Variants in AGAP1 observed in about 807,000 individuals in gnomAD.
AGAP1 encodes ArfGAP with GTPase domain, ankyrin repeat and PH domain 1.
AGAP1 carries 29 observed loss-of-function variants against 105.3 expected under a neutral mutation model. The observed-to-expected ratio is 0.28, with a 90% CI of 0.21 to 0.38. The LOEUF (loss-of-function observed/expected upper bound fraction) is 0.38. AGAP1 is among the 10% of genes least tolerant of loss of function. AGAP1 has a pLI of 1.00. For synonymous variants in AGAP1, 509 were observed against 485.9 expected, an observed-to-expected ratio of 1.05 and a Z score of -0.63; for missense variants, 998 against 1,165.1, an observed-to-expected ratio of 0.86 and a Z score of 2.09.
At chr2:235,697,030 G>A (rs759270620) in intron 1 of AGAP1, among the ~76,000 whole-genome samples, 6 of 152,018 alleles carry the variant, frequency 3.9e-5, no homozygotes, top group Admixed American at 1.3e-4. Flanking sequence ...CATTCGATTT[G>A]CCATTAAGTC....
chr2:235,883,815 C>T lies in AGAP1; in HGVS notation c.1155+366C>T, dbSNP rs964638723. Among the ~76,000 whole-genome samples the T allele has an allele frequency of 6.6e-6, 1 of 152,116 alleles. No individual in the cohort carries two copies. The highest frequency in any genetic ancestry group is 1.5e-5 in the Non-Finnish European group (1 of 68,030). ...AATGAAGGAAACAATTACATTTGAA[C>T]CCAGGATTTAGCTTTGAAAAGCTGT... On this transcript the variant is annotated intron_variant, in intron 10 of 17. Coordinates refer to ENST00000304032, the MANE Select transcript of AGAP1 (RefSeq NM_001037131.3). This position sits in a 1 kb window ranked among gnomAD's most constrained non-coding sequence, Gnocchi z 4.5.
At chr2:235,909,582 AAGG>A (rs552310905) in intron 11 of AGAP1, among the ~76,000 whole-genome samples, 201 of 152,330 alleles carry the variant, frequency 1.3e-3, no homozygotes, top group Middle Eastern at 3.4e-3. Context: ...CATCAGAGAT[AAGG>A]AGAAGATCCT....
intron 11 of AGAP1, among the ~76,000 whole-genome samples, chr2:235,925,270 T>C (rs557510485): frequency 1.3e-5 from 2 of 152,248 alleles, no homozygotes; most frequent in Admixed American, 6.5e-5. Context: ...ATCTCCTCCT[T>C]CTAGGGAAAT....
rs146602331 is a variant in AGAP1 at position 235,798,554 on chromosome 2, A to C, written c.801+668A>C. Among the ~76,000 whole-genome samples the C allele has an allele frequency of 5.8e-3, 876 of 152,082 alleles. 8 individuals carry two copies. Among genetic ancestry groups the C allele is most frequent in the Middle Eastern group, 6.8e-3 (2 of 294 alleles). Reference sequence around the variant, plus strand: ...GGGAAGCCAGTAAGTTATGGCATGTATTGTCAGAGCCTGTCAAGGTACAGT... The same window carrying C: ...GGGAAGCCAGTAAGTTATGGCATGTCTTGTCAGAGCCTGTCAAGGTACAGT... On this transcript the variant is annotated intron_variant, in intron 7 of 17. Transcript: ENST00000304032.
At position 235,629,488 on chromosome 2, in the gene AGAP1, C is replaced by A. The variant is rs1468401200; in HGVS notation, c.164-79691C>A. ...CAAGAAAAGGAGAACAGGACAGAGA[C>A]ATGAAAATCAGCAGGTGAGTATCGA... On this transcript the variant is annotated intron_variant, in intron 1 of 17. Transcript: ENST00000304032. 2.0e-5 allele frequency among the ~76,000 whole-genome samples: 3 copies of A among 151,978 alleles called. No individual in the cohort carries two copies. The East Asian group carries it at 5.8e-4, about 29-fold the overall frequency.
In AGAP1 at chr2:236,120,224, A is replaced by T. The variant is rs1256703734; in HGVS notation, c.2147A>T (p.Tyr716Phe). 1 of 1,613,196 alleles carries T rather than the reference A, an allele frequency of 6.2e-7. No homozygotes were observed. The highest frequency in any genetic ancestry group is 8.5e-7 in the Non-Finnish European group (1 of 1,179,454). ...AAGGAACGGTGGATCCGTGCCAAGT[A>T]CGAGCAGAAGCTCTTCCTGGCCCCG... The part of the protein sequence containing the change: ...EEKERWIRAK[Y>F]EQKLFLAPLP... Residue 716 changes from tyrosine to phenylalanine, a missense_variant, in exon 17 of 18, where the codon TAC (tyrosine) becomes TTC (phenylalanine). Tyr to Phe is a conservative substitution (Grantham distance 22). Around this residue, in one of 3 missense-constraint regions of AGAP1, gnomAD observed 235 missense variants for 270.7 expected, o/e 0.87. Transcript: ENST00000304032. This position sits in a 1 kb window ranked among gnomAD's most constrained non-coding sequence, Gnocchi z 6.0.
At chr2:235,637,521 A>G (rs1009092511) in intron 1 of AGAP1, among the ~76,000 whole-genome samples, 2 of 151,280 alleles carry the variant, frequency 1.3e-5, no homozygotes, top group Non-Finnish European at 2.9e-5. Context: ...GACTCAAGCT[A>G]TCCTCCTGCC....
In AGAP1 at chr2:236,105,550, C is replaced by CTTT. The variant is rs71039711; in HGVS notation, c.2115-14621_2115-14619dup. On this transcript the variant is annotated intron_variant, in intron 16 of 17. Coordinates refer to ENST00000304032, the MANE Select transcript of AGAP1 (RefSeq NM_001037131.3). This position sits in a 1 kb window ranked among gnomAD's most constrained non-coding sequence, Gnocchi z 4.2. ...GAGAGGAGAGGGGCATCTCTCGTGT[C>CTTT]TTTTTTTTTTTTTTTTTTTTTTTGA... Among the ~76,000 whole-genome samples, 60 of 81,316 alleles carry CTTT rather than the reference C, an allele frequency of 7.4e-4. 1 individual carries two copies. Among genetic ancestry groups the CTTT allele is most frequent in the African/African-American group, 3.1e-3 (54 of 17,498 alleles). The allele number at this position is 81,316 out of a possible 152,430, so 53.3% of individuals were successfully genotyped here.
intron 12 of AGAP1, among the ~76,000 whole-genome samples, chr2:235,950,153 G>A (rs2125258392): frequency 6.6e-6 from 1 of 152,302 alleles, no homozygotes; most frequent in East Asian, 1.9e-4. Context: ...GAGTGTAAAA[G>A]TCTAGCCTGG....
intron 1 of AGAP1, among the ~76,000 whole-genome samples, chr2:235,657,416 G>A (rs537945551): frequency 2.6e-5 from 4 of 152,246 alleles, no homozygotes; most frequent in Admixed American, 2.0e-4. Context: ...TTTCCCTGTT[G>A]TCTCCTGGCT....
intron 9 of AGAP1, among the ~76,000 whole-genome samples, chr2:235,821,927 C>T (rs114108636): frequency 1.1e-3 from 169 of 152,276 alleles, no homozygotes; most frequent in African/African-American, 3.9e-3. Flanking sequence ...TGCCTGATGT[C>T]ATCTCCTGAA....
rs755505098 is a variant in AGAP1 at position 235,739,686 on chromosome 2, G to A, written c.311-1277G>A. Among the ~76,000 whole-genome samples the A allele has an allele frequency of 1.3e-5, 2 of 152,268 alleles. No homozygotes were observed. Among genetic ancestry groups the A allele is most frequent in the Admixed American group, 6.5e-5 (1 of 15,288 alleles). ...GCACACGAGCATGGCAGGAGCTCGC[G>A]GGAACGGGCCAACGCCCCACTGCCC... On this transcript the variant is annotated intron_variant, in intron 3 of 17. Transcript: ENST00000304032. The surrounding 1 kb of genome is among the most constrained non-coding windows in gnomAD (Gnocchi z 5.3).
At chr2:235,513,527 A>G (rs1325944373) in intron 1 of AGAP1, among the ~76,000 whole-genome samples, 4 of 139,896 alleles carry the variant, frequency 2.9e-5, no homozygotes, top group African/African-American at 5.0e-5. Context: ...TCTCAGAAAA[A>G]AAAAAAAAAA....
intron 1 of AGAP1, among the ~76,000 whole-genome samples, chr2:235,573,051 CTTCTTCTTCTTT>C (rs1352681994): frequency 1.9e-4 from 3 of 16,092 alleles, no homozygotes; most frequent in Non-Finnish European, 3.0e-4. Flanking sequence ...TCTTCTTCTT[CTTCTTCTTCTTT>C]CTTCTTTCTT....
rs1956688973 is a variant in AGAP1 at position 235,787,094 on chromosome 2, C to A, written c.674-10665C>A. ...GAGTCGAGCTGGCCTGGGGCCGTGGCCCCACAGGCTTGTGATCAGTGGGCT... is the reference window on the plus strand; with the variant it reads ...GAGTCGAGCTGGCCTGGGGCCGTGGACCCACAGGCTTGTGATCAGTGGGCT... On this transcript the variant is annotated intron_variant, in intron 6 of 17. Transcript: ENST00000304032. This position sits in a 1 kb window ranked among gnomAD's most constrained non-coding sequence, Gnocchi z 4.4. Among the ~76,000 whole-genome samples, 1 of 152,216 alleles carries A rather than the reference C, an allele frequency of 6.6e-6. No homozygotes were observed. The highest frequency in any genetic ancestry group is 2.4e-5 in the African/African-American group (1 of 41,458).
chr2:235,949,336 A>AT (rs1312693369), intron 12 of AGAP1, among the ~76,000 whole-genome samples: 1 of 151,948 alleles, frequency 6.6e-6, no homozygotes, highest in Non-Finnish European at 1.5e-5. Flanking sequence ...TTCCATGATA[A>AT]TTTTTTTTCT....
Position 235,671,514 on chromosome 2 carries a change from C to T in AGAP1, c.164-37665C>T, listed in dbSNP as rs74916718. On this transcript the variant is annotated intron_variant, in intron 1 of 17. Coordinates refer to ENST00000304032, the MANE Select transcript of AGAP1 (RefSeq NM_001037131.3). ...GCCCCTCCCTGCCTCGAGTCGTCTC[C>T]CTGTTAGTGCTACCATCTGTCAGTG... 3.3e-3 allele frequency among the ~76,000 whole-genome samples: 509 copies of T among 152,292 alleles called. 2 individuals carry two copies. The highest frequency in any genetic ancestry group is 0.01 in the African/African-American group (428 of 41,562).
intron 6 of AGAP1, among the ~76,000 whole-genome samples, chr2:235,771,838 C>T (rs55926594): frequency 0.25 from 38,412 of 151,928 alleles, 5,202 homozygotes; most frequent in Admixed American, 0.39. Flanking sequence ...TTTAACCTTA[C>T]AATATTTCAT....
intron 1 of AGAP1, among the ~76,000 whole-genome samples, chr2:235,650,551 A>C (rs926110293): frequency 6.6e-6 from 1 of 152,008 alleles, no homozygotes; most frequent in South Asian, 2.1e-4. Context: ...AGAAGTAAAC[A>C]TAGAAAACAT....
Sources: allele counts gnomAD v4.1 joint callset (sites outside exome capture counted in the v4.1 genomes callset), GRCh38; gene constraint gnomAD v4.1.1; regional missense constraint gnomAD v4.1.1; non-coding constraint Gnocchi (gnomAD v3.1); transcripts MANE v1.5; gene names NCBI Gene and HGNC (gene_info 2026-07-23, HGNC 2026-07-21).